Variants in ARB2A observed in about 807,000 individuals in gnomAD.
The protein encoded by ARB2A is cotranscriptional regulator ARB2A.
chr5:93,764,880 C>G, the ARB2A span, among the ~76,000 whole-genome samples: 3 of 152,152 alleles, frequency 2.0e-5, no homozygotes, highest in South Asian at 4.1e-4. Context: ...GGATGCAAGG[C>G]TGGTTCAACA....
chr5:93,995,997 T>C, the ARB2A span, among the ~76,000 whole-genome samples: 1 of 152,100 alleles, frequency 6.6e-6, no homozygotes. Flanking sequence ...TTCCCCTAAA[T>C]ATTATAGAAG....
At chr5:93,678,107 T>C in the ARB2A span, among the ~76,000 whole-genome samples, 1 of 152,190 alleles carries the variant, frequency 6.6e-6, no homozygotes, top group African/African-American at 2.4e-5. Flanking sequence ...CTTTGGGAAA[T>C]TCACTGATAA....
chr5:93,626,141 A>G, the ARB2A span, among the ~76,000 whole-genome samples: 1 of 152,240 alleles, frequency 6.6e-6, no homozygotes, highest in South Asian at 2.1e-4. Context: ...AGATGTCTTA[A>G]GTTATATGGG....
the ARB2A span, among the ~76,000 whole-genome samples, chr5:93,869,827 T>C: frequency 9.2e-5 from 14 of 152,160 alleles, no homozygotes; most frequent in Non-Finnish European, 1.6e-4. Flanking sequence ...CCGCAAAACA[T>C]TGCTCCTAAC....
the ARB2A span, among the ~76,000 whole-genome samples, chr5:93,816,473 T>G: frequency 6.6e-6 from 1 of 152,190 alleles, no homozygotes; most frequent in Non-Finnish European, 1.5e-5. Context: ...CCCCTTAACT[T>G]GTTATTGTGC....
the ARB2A span, among the ~76,000 whole-genome samples, chr5:93,673,829 C>G: frequency 6.6e-6 from 1 of 152,088 alleles, no homozygotes; most frequent in Admixed American, 6.6e-5. Flanking sequence ...CAAATGACCT[C>G]TTTTTGCCAG....
At chr5:93,746,354 G>C in the ARB2A span, among the ~76,000 whole-genome samples, 2 of 152,114 alleles carry the variant, frequency 1.3e-5, no homozygotes, top group Admixed American at 1.3e-4. Flanking sequence ...AGATAACAGA[G>C]GACAAGAACA....
the ARB2A span, among the ~76,000 whole-genome samples, chr5:94,089,693 A>G: frequency 2.6e-5 from 4 of 151,450 alleles, no homozygotes; most frequent in Admixed American, 6.6e-5. Context: ...TACCTTTTGC[A>G]GATAACTAAG....
At chr5:93,716,947 G>A in the ARB2A span, among the ~76,000 whole-genome samples, 1 of 152,090 alleles carries the variant, frequency 6.6e-6, no homozygotes, top group East Asian at 1.9e-4. Context: ...CTGATTCAAT[G>A]TGCATAGTAT....
the ARB2A span, among the ~76,000 whole-genome samples, chr5:93,830,311 G>GTGTGTGTGTA: frequency 3.6e-5 from 3 of 82,270 alleles, no homozygotes; most frequent in Admixed American, 1.3e-4. Context: ...GTGTGTGTGT[G>GTGTGTGTGTA]TATATATATA....
At chr5:93,802,616 C>A in the ARB2A span, among the ~76,000 whole-genome samples, 4 of 151,946 alleles carry the variant, frequency 2.6e-5, no homozygotes, top group African/African-American at 4.8e-5. Flanking sequence ...TTAAAAAGCA[C>A]AAGACATAAT....
the ARB2A span, among the ~76,000 whole-genome samples, chr5:93,799,346 C>T: frequency 1.1e-3 from 166 of 152,140 alleles, 1 homozygote; most frequent in African/African-American, 3.6e-3. Context: ...TTCTTTCCCC[C>T]TCTCCTTGTT....
At chr5:93,959,401 T>C in the ARB2A span, among the ~76,000 whole-genome samples, 8 of 151,804 alleles carry the variant, frequency 5.3e-5, no homozygotes, top group Non-Finnish European at 1.2e-4. Context: ...GCTTAGGGAG[T>C]TTAAATAAGT....
the ARB2A span, among the ~76,000 whole-genome samples, chr5:93,951,832 C>A: frequency 6.6e-6 from 1 of 152,000 alleles, no homozygotes; most frequent in Non-Finnish European, 1.5e-5. Context: ...AATATATACA[C>A]GTAGGTACAT....
the ARB2A span, among the ~76,000 whole-genome samples, chr5:93,848,113 A>AGT: frequency 6.6e-6 from 1 of 152,216 alleles, no homozygotes; most frequent in Non-Finnish European, 1.5e-5. Context: ...TGCCAGGTAC[A>AGT]GTGGCTCATG....
the ARB2A span, among the ~76,000 whole-genome samples, chr5:93,925,796 A>G: frequency 6.6e-6 from 1 of 152,162 alleles, no homozygotes; most frequent in Non-Finnish European, 1.5e-5. Flanking sequence ...TCTCTGACGC[A>G]GTTAATAAGA....
chr5:93,956,672 A>G, the ARB2A span, among the ~76,000 whole-genome samples: 15,799 of 151,524 alleles, frequency 0.1, 946 homozygotes, highest in Middle Eastern at 0.16. Context: ...GAGCTAGCCT[A>G]ATTTAAAAAA....
chr5:93,984,652 C>A, the ARB2A span, among the ~76,000 whole-genome samples: 1 of 152,102 alleles, frequency 6.6e-6, no homozygotes, highest in Non-Finnish European at 1.5e-5. Flanking sequence ...GAATTCTGTG[C>A]CCTTCTTTTA....
chr5:93,972,480 G>C, the ARB2A span, among the ~76,000 whole-genome samples: 1 of 150,472 alleles, frequency 6.6e-6, no homozygotes, highest in Non-Finnish European at 1.5e-5. Context: ...AAAAAAAAAA[G>C]AGAGAGAGAA....
Sources: gnomAD v4.1 joint callset for allele counts (sites outside exome capture counted in the v4.1 genomes callset) on GRCh38, gnomAD v4.1.1 for gene constraint, MANE v1.5 for transcripts, NCBI Gene and HGNC (gene_info 2026-07-23, HGNC 2026-07-21) for gene names.